ITGB3BP: variants seen among roughly 807,000 people sequenced by gnomAD.
ITGB3BP encodes centromere protein R.
In ITGB3BP, 27 loss-of-function variants were observed where a neutral mutation model predicts 29.1. The ratio of observed to expected loss-of-function variants is 0.93; its 90% CI spans 0.68 to 1.28. The LOEUF (loss-of-function observed/expected upper bound fraction) is 1.28. Among genes scored for constraint, ITGB3BP ranks in the 50% most tolerant of loss-of-function variants. ITGB3BP has a pLI of 0.00. For missense variants in ITGB3BP, 192 were observed against 200.2 expected, an observed-to-expected ratio of 0.96 and a Z score of 0.25; for synonymous variants, 61 against 61.4, an observed-to-expected ratio of 0.99 and a Z score of 0.03.
intron 1 of ITGB3BP, chr1:63,510,098 G>A (rs1007481069): frequency 1.6e-6 from 1 of 632,286 alleles, no homozygotes; most frequent in Non-Finnish European, 2.9e-6. Context: ...GCTGAGGCAG[G>A]AGAATCGCTT....
chr1:63,447,033 T>C, intron 7 of ITGB3BP, 177 bp from the exon 8 acceptor site: 1 of 570,426 alleles, frequency 1.8e-6, no homozygotes, highest in Non-Finnish European at 3.2e-6. Flanking sequence ...ATAGTTAGCC[T>C]GATTCTATTT....
chr1:63,520,045 C>A (rs1180920559), intron 1 of ITGB3BP, among the ~76,000 whole-genome samples: 2 of 151,950 alleles, frequency 1.3e-5, no homozygotes, highest in African/African-American at 4.8e-5. Flanking sequence ...TGATGATGTA[C>A]ACTAATTAGC....
chr1:63,499,572 T>A (rs796614976), intron 2 of ITGB3BP, among the ~76,000 whole-genome samples: 11 of 152,186 alleles, frequency 7.2e-5, no homozygotes, highest in African/African-American at 2.4e-4. Context: ...CAGACCCAAA[T>A]CCCTTATAAA....
At chr1:63,505,530 T>G (rs1646055429) in intron 2 of ITGB3BP, among the ~76,000 whole-genome samples, 1 of 152,210 alleles carries the variant, frequency 6.6e-6, no homozygotes, top group Admixed American at 6.5e-5. Context: ...GCTCTGATCT[T>G]AGGTATTTCT....
intron 2 of ITGB3BP, among the ~76,000 whole-genome samples, chr1:63,500,974 G>A (rs1037612998): frequency 3.9e-5 from 6 of 152,088 alleles, no homozygotes; most frequent in African/African-American, 1.4e-4. Context: ...TAGACAAATG[G>A]AATTTATCTG....
intron 1 of ITGB3BP, among the ~76,000 whole-genome samples, chr1:63,513,639 A>G (rs1396464669): frequency 6.6e-6 from 1 of 152,132 alleles, no homozygotes; most frequent in African/African-American, 2.4e-5. Flanking sequence ...ACACACAAAA[A>G]CATTTCTATC....
chr1:63,500,402 CA>C (rs1645897815), intron 2 of ITGB3BP, among the ~76,000 whole-genome samples: 1 of 151,954 alleles, frequency 6.6e-6, no homozygotes, highest in Non-Finnish European at 1.5e-5. Flanking sequence ...AGAAAATCTC[CA>C]AATTATTAAT....
intron 2 of ITGB3BP, among the ~76,000 whole-genome samples, chr1:63,496,431 T>C (rs899091396): frequency 6.6e-6 from 1 of 152,134 alleles, no homozygotes; most frequent in African/African-American, 2.4e-5. Flanking sequence ...CCTTGGTTCT[T>C]ACTTTCTCCA....
chr1:63,479,288 T>G (rs376380608), intron 3 of ITGB3BP, among the ~76,000 whole-genome samples: 2 of 152,188 alleles, frequency 1.3e-5, no homozygotes, highest in East Asian at 3.8e-4. Context: ...AATATCATTG[T>G]AAAATAAATT....
rs1646361208 is a variant in ITGB3BP at position 63,517,548 on chromosome 1, T to G, written c.5+5581A>C. ...TTATGTAATTATAAATGAAAAATCT[T>G]AAACTTCAATTTCCAGGTGTTTATT... On this transcript the variant is annotated intron_variant, in intron 1 of 8. Transcript: ENST00000271002. Among the ~76,000 whole-genome samples the G allele has an allele frequency of 2.0e-5, 3 of 152,298 alleles. No individual in the cohort carries two copies. The South Asian group carries it at 6.2e-4, about 32-fold the overall frequency.
chr1:63,479,241 G>A (rs1380361876), intron 3 of ITGB3BP, among the ~76,000 whole-genome samples: 1 of 151,924 alleles, frequency 6.6e-6, no homozygotes, highest in Admixed American at 6.6e-5. Context: ...CAAGGGATTG[G>A]TGATACCGAT....
intron 7 of ITGB3BP, among the ~76,000 whole-genome samples, chr1:63,448,632 A>C (rs2100479611): frequency 6.6e-6 from 1 of 152,136 alleles, no homozygotes; most frequent in African/African-American, 2.4e-5. Flanking sequence ...GGCTTTTTTG[A>C]CTACTCTGAG....
chr1:63,518,254 C>T (rs1483926368), intron 1 of ITGB3BP, among the ~76,000 whole-genome samples: 2 of 152,122 alleles, frequency 1.3e-5, no homozygotes, highest in African/African-American at 2.4e-5. Flanking sequence ...CCAATGAAAT[C>T]GTCTGGGTCT....
chr1:63,516,892 C>T (rs1646343957), intron 1 of ITGB3BP, among the ~76,000 whole-genome samples: 3 of 152,048 alleles, frequency 2.0e-5, no homozygotes, highest in African/African-American at 4.8e-5. Flanking sequence ...CTTTCGGGTA[C>T]AATGTTCACT....
intron 2 of ITGB3BP, among the ~76,000 whole-genome samples, chr1:63,493,288 G>A (rs1427780265): frequency 2.0e-5 from 3 of 151,896 alleles, no homozygotes; most frequent in Non-Finnish European, 2.9e-5. Flanking sequence ...ATGGTGGCGC[G>A]CCTGTTGTCC....
At chr1:63,468,149 T>G (rs6702654) in intron 4 of ITGB3BP, among the ~76,000 whole-genome samples, 111,519 of 152,110 alleles carry the variant, frequency 0.73, 42,974 homozygotes, top group Non-Finnish European at 0.85. Flanking sequence ...AGTATCATCT[T>G]TGCTTGAAGA....
intron 4 of ITGB3BP, among the ~76,000 whole-genome samples, chr1:63,462,420 T>C (rs1478575647): frequency 1.3e-5 from 2 of 152,220 alleles, no homozygotes; most frequent in Non-Finnish European, 2.9e-5. Flanking sequence ...CAAATAAAGA[T>C]TGTTTTACTT....
At chr1:63,512,163 G>A (rs1017005950) in intron 1 of ITGB3BP, among the ~76,000 whole-genome samples, 2 of 152,096 alleles carry the variant, frequency 1.3e-5, no homozygotes, top group Non-Finnish European at 2.9e-5. Context: ...GTTGCTACCA[G>A]AAATACTGCT....
intron 4 of ITGB3BP, among the ~76,000 whole-genome samples, chr1:63,471,521 G>A (rs1023152004): frequency 1.3e-5 from 2 of 151,250 alleles, no homozygotes; most frequent in Non-Finnish European, 3.0e-5. Context: ...AAAGTGCTGG[G>A]ATTACAGGCA....
Sources: allele counts gnomAD v4.1 joint callset (sites outside exome capture counted in the v4.1 genomes callset), GRCh38; gene constraint gnomAD v4.1.1; transcripts MANE v1.5; gene names NCBI Gene and HGNC (gene_info 2026-07-23, HGNC 2026-07-21).